MYO1B: variants seen among roughly 807,000 people sequenced by gnomAD.
The protein encoded by MYO1B is unconventional myosin-Ib.
MYO1B carries 72 observed loss-of-function variants against 159.7 expected under a neutral mutation model. The ratio of observed to expected loss-of-function variants is 0.45; its 90% confidence interval spans 0.37 to 0.55. The LOEUF is 0.55. Ranked by LOEUF, MYO1B falls within the 20% of genes least tolerant of loss-of-function variation. MYO1B has a pLI of 0.00. For synonymous variants in MYO1B, 468 were observed against 473.8 expected, an observed-to-expected ratio of 0.99 and a Z score of 0.16; for missense variants, 1,062 against 1,364.8, an observed-to-expected ratio of 0.78 and a Z score of 3.50.
intron 21 of MYO1B, among the ~76,000 whole-genome samples, chr2:191,400,103 G>A (rs1696512522): frequency 6.6e-6 from 1 of 152,202 alleles, no homozygotes; most frequent in Non-Finnish European, 1.5e-5. Flanking sequence ...TCCCACAGAT[G>A]TGTGCCAGCT....
chr2:191,258,131 C>T lies in MYO1B; in HGVS notation c.-10+12505C>T, dbSNP rs149725420. On this transcript the variant is annotated intron_variant, in intron 1 of 30. Coordinates refer to ENST00000392318, the MANE Select transcript of MYO1B (RefSeq NM_001130158.3). ...GGCAATTTTGTCATTGCGCAAACAC[C>T]ACAAAGTGGACTTAACACAAACTTA... 8.5e-5 allele frequency among the ~76,000 whole-genome samples: 13 copies of T among 152,154 alleles called. No homozygotes were observed. The East Asian group carries it at 2.5e-3, about 29-fold the overall frequency.
intron 1 of MYO1B, among the ~76,000 whole-genome samples, chr2:191,275,391 T>A (rs1166913576): frequency 6.6e-6 from 1 of 152,154 alleles, no homozygotes; most frequent in Non-Finnish European, 1.5e-5. Flanking sequence ...CTTGTTTTAA[T>A]AGGATCAGTA....
At chr2:191,343,355 C>T (rs909225030) in intron 5 of MYO1B, among the ~76,000 whole-genome samples, 1 of 152,186 alleles carries the variant, frequency 6.6e-6, no homozygotes, top group Admixed American at 6.5e-5. Context: ...GCCTCTCCTG[C>T]CCTTTCAGAG....
At chr2:191,403,452 A>G (rs2126142470) in intron 24 of MYO1B, among the ~76,000 whole-genome samples, 1 of 152,314 alleles carries the variant, frequency 6.6e-6, no homozygotes, top group South Asian at 2.1e-4. Flanking sequence ...TCCAAATTCA[A>G]TAATTAGTCA....
intron 7 of MYO1B, among the ~76,000 whole-genome samples, chr2:191,354,259 T>C (rs1693122611): frequency 2.3e-5 from 1 of 43,950 alleles, no homozygotes; most frequent in Admixed American, 2.5e-4. Flanking sequence ...CCGTCTTAAA[T>C]AATAATAATA....
chr2:191,360,987 C>T (rs1459670697), intron 8 of MYO1B, among the ~76,000 whole-genome samples: 1 of 152,178 alleles, frequency 6.6e-6, no homozygotes, highest in South Asian at 2.1e-4. Context: ...TTTGCCCCTT[C>T]CTTCTTAAGA....
intron 13 of MYO1B, among the ~76,000 whole-genome samples, chr2:191,376,635 CTCAAA>C (rs1365345719): frequency 6.6e-6 from 1 of 152,074 alleles, no homozygotes; most frequent in Non-Finnish European, 1.5e-5. Flanking sequence ...AAAATTTGAC[CTCAAA>C]TCAAAGTGCT....
chr2:191,393,237 C>T lies in MYO1B; in HGVS notation c.2226+15C>T, dbSNP rs1342769484. 3.7e-6 allele frequency: 6 copies of T among 1,612,192 alleles called. No homozygotes were observed. Among genetic ancestry groups the T allele is most frequent in the Non-Finnish European group, 5.1e-6 (6 of 1,178,814 alleles). ...GGAGATATGCGGTAAGAGTCTCAGT[C>T]ATTTTAAATCAGTAATAACAATGCT... On this transcript the variant is annotated intron_variant, in intron 20 of 30. Coordinates refer to ENST00000392318, the MANE Select transcript of MYO1B (RefSeq NM_001130158.3).
At position 191,276,985 on chromosome 2, in the gene MYO1B, C is replaced by A; in HGVS notation, c.90C>A (p.Thr30=). 1 of 1,613,872 alleles carries A rather than the reference C, an allele frequency of 6.2e-7. No individual in the cohort carries two copies. Among genetic ancestry groups the A allele is most frequent in the South Asian group, 1.1e-5 (1 of 91,022 alleles). ...MVLLEPLNEE[T]FINNLKKRFD... ...TTTTAGAACCTCTCAATGAGGAGAC[C>A]TTCATCAACAACCTCAAGAAGCGCT... is the stretch of plus-strand genomic sequence containing the variant. The change falls in exon 2 of 31, where the codon ACC becomes ACA. Residue 30 remains threonine, a synonymous_variant. Coordinates refer to ENST00000392318, the MANE Select transcript of MYO1B (RefSeq NM_001130158.3).
intron 13 of MYO1B, among the ~76,000 whole-genome samples, chr2:191,379,849 G>A (rs774917614): frequency 2.0e-5 from 3 of 152,086 alleles, no homozygotes; most frequent in East Asian, 1.9e-4. Context: ...TAATAATAAG[G>A]CATCTATACT....
At chr2:191,294,719 G>A (rs1559146598) in intron 2 of MYO1B, among the ~76,000 whole-genome samples, 1 of 152,092 alleles carries the variant, frequency 6.6e-6, no homozygotes, top group Non-Finnish European at 1.5e-5. Flanking sequence ...TTTTACAACA[G>A]CAATCTTGTC....
At chr2:191,397,930 C>T (rs1480537224) in intron 21 of MYO1B, among the ~76,000 whole-genome samples, 5 of 3,742 alleles carry the variant, frequency 1.3e-3, no homozygotes, top group South Asian at 0.013. Flanking sequence ...CCGGACAGGG[C>T]GGCTGGCCGG....
intron 11 of MYO1B, among the ~76,000 whole-genome samples, chr2:191,365,218 G>T (rs1693931160): frequency 6.6e-6 from 1 of 152,186 alleles, no homozygotes; most frequent in Non-Finnish European, 1.5e-5. Context: ...ACTCAGGCTA[G>T]AATTAAATTA....
At chr2:191,251,904 T>C (rs1263111790) in intron 1 of MYO1B, among the ~76,000 whole-genome samples, 1 of 152,224 alleles carries the variant, frequency 6.6e-6, no homozygotes, top group Non-Finnish European at 1.5e-5. Context: ...CACTTAACAT[T>C]TTCCAGTGTA....
rs115796946 is a variant in MYO1B at position 191,311,130 on chromosome 2, T to G, written c.251+14904T>G. On this transcript the variant is annotated intron_variant, in intron 3 of 30. Transcript: ENST00000392318. ...AGCTTGAGATCCAAAAAGAATATCC[T>G]TGTATCCTCAGTTACAGTAGGAACT... Among the ~76,000 whole-genome samples, 911 of 152,334 alleles carry G rather than the reference T, an allele frequency of 6.0e-3. 13 individuals are homozygous for G. Among genetic ancestry groups the G allele is most frequent in the African/African-American group, 0.021 (885 of 41,580 alleles).
At chr2:191,253,731 C>T (rs184126534) in intron 1 of MYO1B, among the ~76,000 whole-genome samples, 1 of 152,180 alleles carries the variant, frequency 6.6e-6, no homozygotes, top group Admixed American at 6.5e-5. Flanking sequence ...TGTTTCCCCC[C>T]ACAGGTTAGC....
chr2:191,296,441 A>G (rs1688990258), intron 3 of MYO1B, among the ~76,000 whole-genome samples: 1 of 152,212 alleles, frequency 6.6e-6, no homozygotes, highest in Non-Finnish European at 1.5e-5. Context: ...AAATATTTGG[A>G]TTCAGGATGT....
At chr2:191,423,729 C>T in intron 30 of MYO1B, 108 bp from the exon 31 acceptor site, 1 of 1,236,846 alleles carries the variant, frequency 8.1e-7, no homozygotes, top group Non-Finnish European at 1.1e-6. Context: ...TAGGGATGCG[C>T]AGCCTGTACT....
At chr2:191,251,130 G>A (rs372150374) in intron 1 of MYO1B, among the ~76,000 whole-genome samples, 1 of 152,332 alleles carries the variant, frequency 6.6e-6, no homozygotes, top group South Asian at 2.1e-4. Context: ...ACAAGATTCA[G>A]CCTGCTAGTG....
Sources: gnomAD v4.1 joint callset for allele counts (sites outside exome capture counted in the v4.1 genomes callset) on GRCh38, gnomAD v4.1.1 for gene constraint, MANE v1.5 for transcripts, NCBI Gene and HGNC (gene_info 2026-07-23, HGNC 2026-07-21) for gene names.